CABCOCO1: variants seen among roughly 807,000 people sequenced by gnomAD.
CABCOCO1 encodes the protein ciliary associated calcium binding coiled-coil 1, also known as ciliary-associated calcium-binding coiled-coil protein 1.
CABCOCO1 carries 28 observed loss-of-function variants against 35.7 expected under a neutral mutation model. The ratio of observed to expected loss-of-function variants is 0.78; its 90% CI spans 0.58 to 1.07. The LOEUF (loss-of-function observed/expected upper bound fraction) is 1.07. CABCOCO1 is among the 50% of genes least tolerant of loss of function. The pLI is 0.00. For synonymous variants in CABCOCO1, 95 were observed against 100.1 expected (o/e 0.95, Z 0.30); for missense variants, 326 against 309.2 (o/e 1.05, Z -0.41).
intron 5 of CABCOCO1, among the ~76,000 whole-genome samples, chr10:61,712,844 G>T (rs541507291): frequency 6.6e-6 from 1 of 152,296 alleles, no homozygotes; most frequent in South Asian, 2.1e-4. Context: ...TGAAGCCTCT[G>T]TTCTGTTCCA....
chr10:61,669,020 G>GAAAAAAAAAAACAAA (rs1839275994), intron 1 of CABCOCO1, among the ~76,000 whole-genome samples: 1 of 102,480 alleles, frequency 9.8e-6, no homozygotes, highest in Non-Finnish European at 2.1e-5. Context: ...AAGGGTTGGG[G>GAAAAAAAAAAACAAA]AAAAAAAAAA....
In CABCOCO1 at chr10:61,700,940, T is replaced by TACATACATGTATACATATACATAC. The variant is rs1840439727; in HGVS notation, c.552+10321_552+10344dup. Among the ~76,000 whole-genome samples the TACATACATGTATACATATACATAC allele has an allele frequency of 6.3e-5, 4 of 63,690 alleles. No homozygotes were observed. The South Asian group carries it at 2.5e-3, about 40-fold the overall frequency. 41.8% of individuals were successfully genotyped at this position (63,690 alleles called of 152,430 possible). A position where few individuals can be genotyped will look rare whatever the true frequency, so the allele number is the denominator to read the frequency against. ...ATCTGTGTATGTATATGTATACATA[T>TACATACATGTATACATATACATAC]ACATACATGTATACATATACATACA... On this transcript the variant is annotated intron_variant, in intron 5 of 7. Coordinates refer to ENST00000648843, the MANE Select transcript of CABCOCO1 (RefSeq NM_001366906.2).
intron 3 of CABCOCO1, chr10:61,685,145 A>G (rs577203526): frequency 2.6e-4 from 39 of 152,336 alleles, no homozygotes; most frequent in African/African-American, 9.1e-4. Context: ...TACATGAGTT[A>G]TAAGTCTGTG....
chr10:61,758,895 G>A (rs995879524), intron 5 of CABCOCO1, among the ~76,000 whole-genome samples: 29 of 152,040 alleles, frequency 1.9e-4, no homozygotes, highest in African/African-American at 2.4e-4. Flanking sequence ...AGCTTCCAGC[G>A]CATTTCAAAA....
chr10:61,679,428 G>T (rs12244842), intron 2 of CABCOCO1, among the ~76,000 whole-genome samples: 36,194 of 152,018 alleles, frequency 0.24, 4,534 homozygotes, highest in African/African-American at 0.31. Flanking sequence ...ACCAGGGTGT[G>T]CAGGCTTGGA....
chr10:61,764,325 C>T (rs1842066123), intron 7 of CABCOCO1, among the ~76,000 whole-genome samples: 1 of 151,714 alleles, frequency 6.6e-6, no homozygotes, highest in Non-Finnish European at 1.5e-5. Context: ...ATGTTGTATC[C>T]CATAAATTTA....
chr10:61,709,311 T>C (rs1186714478), intron 5 of CABCOCO1, among the ~76,000 whole-genome samples: 1 of 152,138 alleles, frequency 6.6e-6, no homozygotes, highest in Non-Finnish European at 1.5e-5. Flanking sequence ...CAAATGTACA[T>C]ATTGTTTGAC....
intron 5 of CABCOCO1, among the ~76,000 whole-genome samples, chr10:61,714,404 C>G (rs1040641656): frequency 6.6e-6 from 1 of 151,926 alleles, no homozygotes; most frequent in Admixed American, 6.6e-5. Context: ...TCTCTCTTTT[C>G]TTCTTTATTA....
chr10:61,691,950 A>G (rs893294395), intron 5 of CABCOCO1, among the ~76,000 whole-genome samples: 1 of 152,208 alleles, frequency 6.6e-6, no homozygotes, highest in African/African-American at 2.4e-5. Flanking sequence ...GCTTCAATAA[A>G]CATATGTGTA....
At chr10:61,666,777 T>A (rs1405457546) in intron 1 of CABCOCO1, among the ~76,000 whole-genome samples, 2 of 151,420 alleles carry the variant, frequency 1.3e-5, no homozygotes, top group Non-Finnish European at 2.9e-5. Flanking sequence ...ATTTACTAAA[T>A]AAACTATTTT....
chr10:61,753,525 G>T (rs1296821125), intron 5 of CABCOCO1, among the ~76,000 whole-genome samples: 1 of 152,082 alleles, frequency 6.6e-6, no homozygotes. Flanking sequence ...TTGAAAGTTT[G>T]CCCTGTAAGC....
intron 5 of CABCOCO1, among the ~76,000 whole-genome samples, chr10:61,699,979 G>T (rs991574959): frequency 5.9e-5 from 9 of 152,034 alleles, no homozygotes; most frequent in Non-Finnish European, 1.2e-4. Flanking sequence ...ATTACACAAA[G>T]TTATATTTGG....
intron 4 of CABCOCO1, among the ~76,000 whole-genome samples, chr10:61,690,179 C>T (rs948187763): frequency 7.9e-5 from 12 of 152,018 alleles, no homozygotes; most frequent in African/African-American, 2.4e-4. Flanking sequence ...CTCCTGTTTG[C>T]AGCAAAAGAG....
chr10:61,694,459 G>A (rs564584862), intron 5 of CABCOCO1, among the ~76,000 whole-genome samples: 3 of 151,186 alleles, frequency 2.0e-5, no homozygotes, highest in Admixed American at 1.3e-4. Flanking sequence ...TGGGATAATT[G>A]GCTATGTGTT....
At chr10:61,663,824 TA>T (rs5785491) in intron 1 of CABCOCO1, among the ~76,000 whole-genome samples, 108,613 of 151,544 alleles carry the variant, frequency 0.72, 39,563 homozygotes, top group Middle Eastern at 0.88. Flanking sequence ...CCAGATATTA[TA>T]AAAAAAAAAG....
intron 5 of CABCOCO1, among the ~76,000 whole-genome samples, chr10:61,701,517 A>T (rs1205725187): frequency 2.0e-5 from 3 of 152,186 alleles, no homozygotes; most frequent in Admixed American, 2.0e-4. Flanking sequence ...GACTTTAGCT[A>T]AGGGGATTTA....
intron 2 of CABCOCO1, among the ~76,000 whole-genome samples, chr10:61,674,014 T>C (rs1280597265): frequency 1.3e-5 from 2 of 152,164 alleles, no homozygotes; most frequent in Non-Finnish European, 1.5e-5. Context: ...CTAGGCAAAA[T>C]AGCACAATGC....
Position 61,766,000 on chromosome 10 carries a change from T to C in CABCOCO1, c.878T>C (p.Leu293Ser), listed in dbSNP as rs1421356630. Residue 293 changes from leucine (L) to serine (S), a missense_variant, in exon 8 of 8, where the codon TTG becomes TCG. Leu to Ser is a moderately radical substitution (Grantham distance 145). Coordinates refer to ENST00000648843, the MANE Select transcript of CABCOCO1 (RefSeq NM_001366906.2). ...EEAFNARIEK[L>S]KKA ...GCCTTTAATGCACGAATAGAAAAAT[T>C]GAAAAAGGCCTAAGGACTTGGTACA... 1.2e-6 allele frequency: 2 copies of C among 1,612,828 alleles called. No homozygotes were observed. The highest frequency in any genetic ancestry group is 1.7e-5 in the Admixed American group (1 of 59,990).
chr10:61,666,977 AT>A lies in CABCOCO1; in HGVS notation c.60+3946del, dbSNP rs1338748188. Among the ~76,000 whole-genome samples the A allele has an allele frequency of 2.8e-5, 4 of 142,528 alleles. No homozygotes were observed. The East Asian group carries it at 7.8e-4, about 28-fold the overall frequency. 93.5% of individuals were successfully genotyped at this position (142,528 alleles called of 152,430 possible). A position where few individuals can be genotyped will look rare whatever the true frequency, so the allele number is the denominator to read the frequency against. On this transcript the variant is annotated intron_variant, in intron 1 of 7. Transcript: ENST00000648843. Reference sequence around the variant, plus strand: ...GTATAAATATAATTATATATTATATATAAATATAATTATATATTATATATAA... The same window carrying A: ...GTATAAATATAATTATATATTATATAAAATATAATTATATATTATATATAA...
Sources: allele counts gnomAD v4.1 joint callset (sites outside exome capture counted in the v4.1 genomes callset), GRCh38; gene constraint gnomAD v4.1.1; transcripts MANE v1.5; gene names NCBI Gene and HGNC (gene_info 2026-07-23, HGNC 2026-07-21).